Variants in DSCAM observed in about 807,000 individuals in gnomAD.
DSCAM encodes DS cell adhesion molecule, also known as cell adhesion molecule DSCAM.
Under a neutral mutation model 217.7 loss-of-function variants are expected in DSCAM, and 47 were observed. That is an observed-to-expected ratio of 0.22 (90% CI 0.17 to 0.28). DSCAM has a LOEUF of 0.28. Ranked by LOEUF, DSCAM falls within the 10% of genes least tolerant of loss-of-function variation. The pLI is 1.00. For synonymous variants in DSCAM, 1,056 were observed against 1,015.3 expected (o/e 1.04, Z -0.76); for missense variants, 2,080 against 2,618.3 (o/e 0.79, Z 4.49).
chr21:40,837,123 T>C (rs1376295456), intron 1 of DSCAM, among the ~76,000 whole-genome samples: 1 of 152,246 alleles, frequency 6.6e-6, no homozygotes, highest in African/African-American at 2.4e-5. Flanking sequence ...GGTCTACCTC[T>C]TATCCTGATG....
intron 1 of DSCAM, among the ~76,000 whole-genome samples, chr21:40,819,204 A>G (rs1246345676): frequency 6.6e-6 from 1 of 152,238 alleles, no homozygotes; most frequent in Non-Finnish European, 1.5e-5. Context: ...TAATGATTGA[A>G]TGATTAATGG....
intron 3 of DSCAM, among the ~76,000 whole-genome samples, chr21:40,466,281 A>G (rs1388219512): frequency 1.3e-5 from 2 of 152,216 alleles, no homozygotes; most frequent in Non-Finnish European, 2.9e-5. Context: ...AAGACCTCTC[A>G]TGCCAATATC....
intron 3 of DSCAM, among the ~76,000 whole-genome samples, chr21:40,439,103 C>G (rs2075609281): frequency 6.6e-6 from 1 of 152,110 alleles, no homozygotes. Context: ...AATTGCTGAA[C>G]CTCTCTGGGT....
intron 10 of DSCAM, among the ~76,000 whole-genome samples, chr21:40,280,141 A>C (rs903229844): frequency 4.0e-4 from 60 of 151,386 alleles, no homozygotes; most frequent in African/African-American, 1.4e-3. Context: ...TTAAAAAAAA[A>C]ACCTTAATTC....
chr21:40,290,517 A>T (rs1296171789), intron 10 of DSCAM, among the ~76,000 whole-genome samples: 1 of 152,166 alleles, frequency 6.6e-6, no homozygotes, highest in African/African-American at 2.4e-5. Context: ...GCTGCTTGGG[A>T]GGCTGAGGCA....
At chr21:40,650,441 G>C (rs979131155) in intron 3 of DSCAM, among the ~76,000 whole-genome samples, 1 of 152,244 alleles carries the variant, frequency 6.6e-6, no homozygotes, top group Non-Finnish European at 1.5e-5. Context: ...GGGTGTGTCT[G>C]TGAAAGTGTT....
rs146910450 is a variant in DSCAM, at chr21:40,529,538, C to T, written c.509-160293G>A. ...AGCAGATCAAAGGTCTGCATCCCAT[C>T]CTCAGAGACTCACAGTCCCTTCTGC... On this transcript the variant is annotated intron_variant, in intron 3 of 32. Coordinates refer to ENST00000400454, the MANE Select transcript of DSCAM (RefSeq NM_001389.5). 1.6e-3 allele frequency among the ~76,000 whole-genome samples: 246 copies of T among 152,200 alleles called. 1 individual carries two copies. Among genetic ancestry groups the T allele is most frequent in the African/African-American group, 5.6e-3 (234 of 41,536 alleles).
At chr21:40,287,213 G>A (rs1409413987) in intron 10 of DSCAM, among the ~76,000 whole-genome samples, 1 of 152,218 alleles carries the variant, frequency 6.6e-6, no homozygotes, top group Non-Finnish European at 1.5e-5. Flanking sequence ...ATGATGTGCA[G>A]TGTGATCACA....
intron 3 of DSCAM, among the ~76,000 whole-genome samples, chr21:40,541,243 C>T (rs1281421304): frequency 6.6e-6 from 1 of 152,060 alleles, no homozygotes; most frequent in Non-Finnish European, 1.5e-5. Context: ...TAGTCCAGAA[C>T]TTTCTGCAAT....
intron 3 of DSCAM, among the ~76,000 whole-genome samples, chr21:40,422,131 C>G (rs1267838564): frequency 1.3e-5 from 2 of 152,232 alleles, no homozygotes; most frequent in East Asian, 3.8e-4. Context: ...AATTACTACA[C>G]TCTTTTCTAG....
chr21:40,486,514 A>AGGAGG (rs1157113186), intron 3 of DSCAM, among the ~76,000 whole-genome samples: 6 of 145,870 alleles, frequency 4.1e-5, no homozygotes, highest in Non-Finnish European at 7.5e-5. Context: ...AGGAGAGGAG[A>AGGAGG]GGAGGGGATG....
chr21:40,610,051 A>C (rs2089292541), intron 3 of DSCAM, among the ~76,000 whole-genome samples: 1 of 152,222 alleles, frequency 6.6e-6, no homozygotes, highest in Non-Finnish European at 1.5e-5. Flanking sequence ...CTTTCTTGAC[A>C]ACCAAACACC....
At chr21:40,648,233 T>C (rs779614278) in intron 3 of DSCAM, among the ~76,000 whole-genome samples, 66 of 146,032 alleles carry the variant, frequency 4.5e-4, no homozygotes, top group Non-Finnish European at 8.9e-4. Context: ...TTTCCTCTAA[T>C]TTCATACATA....
chr21:40,803,933 T>C (rs144508204), intron 1 of DSCAM, among the ~76,000 whole-genome samples: 46 of 152,292 alleles, frequency 3.0e-4, no homozygotes, highest in Non-Finnish European at 5.1e-4. Context: ...CTCTACAAAA[T>C]GACCATTTCT....
intron 11 of DSCAM, among the ~76,000 whole-genome samples, chr21:40,193,056 G>C (rs1215120452): frequency 2.6e-5 from 4 of 152,194 alleles, no homozygotes; most frequent in African/African-American, 7.2e-5. Context: ...AGATTGGAGA[G>C]AGAAGAGGGA....
At chr21:40,038,752 G>A (rs921597485) in intron 32 of DSCAM, among the ~76,000 whole-genome samples, 13 of 145,788 alleles carry the variant, frequency 8.9e-5, no homozygotes, top group Non-Finnish European at 1.8e-4. Context: ...CAATAGCAAA[G>A]ACTTGGAACC....
chr21:40,271,484 G>T (rs905446197), intron 11 of DSCAM, among the ~76,000 whole-genome samples: 3 of 152,172 alleles, frequency 2.0e-5, no homozygotes, highest in African/African-American at 4.8e-5. Context: ...GTTGGGAGCG[G>T]GGAGGATGTA....
chr21:40,445,264 C>T (rs758710016), intron 3 of DSCAM, among the ~76,000 whole-genome samples: 2 of 152,196 alleles, frequency 1.3e-5, no homozygotes, highest in Non-Finnish European at 2.9e-5. Flanking sequence ...GTGACACCAG[C>T]ATTCAGATCA....
At chr21:40,098,673 C>CACTA (rs1043209170) in intron 20 of DSCAM, among the ~76,000 whole-genome samples, 19 of 152,206 alleles carry the variant, frequency 1.2e-4, no homozygotes, top group Non-Finnish European at 4.4e-5. Context: ...TTTAAATCTT[C>CACTA]ACTATATCTC....
Sources: allele counts gnomAD v4.1 joint callset (sites outside exome capture counted in the v4.1 genomes callset), GRCh38; gene constraint gnomAD v4.1.1; transcripts MANE v1.5; gene names NCBI Gene and HGNC (gene_info 2026-07-23, HGNC 2026-07-21).